SDHAF4: variants seen among roughly 807,000 people sequenced by gnomAD.
SDHAF4 encodes the protein succinate dehydrogenase assembly factor 4, mitochondrial.
SDHAF4 carries 14 observed loss-of-function variants against 14.3 expected under a neutral mutation model. The observed-to-expected ratio is 0.98, with a 90% CI of 0.65 to 1.53. The LOEUF is 1.53. Among genes scored for constraint, SDHAF4 ranks in the 40% most tolerant of loss-of-function variants. The pLI is 0.00. For missense variants in SDHAF4, 141 were observed against 129.3 expected (o/e 1.09, Z -0.44); for synonymous variants, 63 against 47.3 (o/e 1.33, Z -1.36).
chr6:70,584,944 G>T (rs1041387077), intron 2 of SDHAF4, among the ~76,000 whole-genome samples: 3 of 152,186 alleles, frequency 2.0e-5, no homozygotes, highest in African/African-American at 7.2e-5. Context: ...AAGAATCTTG[G>T]AGTTTATTAT....
chr6:70,567,193 G>A (rs1393059825), intron 1 of SDHAF4, among the ~76,000 whole-genome samples, 189 bp downstream of exon 1: 2 of 152,214 alleles, frequency 1.3e-5, no homozygotes, highest in African/African-American at 4.8e-5. Context: ...CCGGGTCTCG[G>A]GTGGGACTAG....
chr6:70,573,389 G>C (rs773049286), intron 1 of SDHAF4, among the ~76,000 whole-genome samples: 22 of 149,380 alleles, frequency 1.5e-4, no homozygotes, highest in Non-Finnish European at 2.8e-4. Flanking sequence ...TCAGCCTCCT[G>C]AGTAGCTGGG....
In SDHAF4 at chr6:70,588,597, A is replaced by G. The variant is rs1765229296; in HGVS notation, c.218-18A>G. 1 of 1,384,892 alleles carries G rather than the reference A, an allele frequency of 7.2e-7. No homozygotes were observed. The highest frequency in any genetic ancestry group is 1.0e-6 in the Non-Finnish European group (1 of 984,522). 85.8% of individuals were successfully genotyped at this position (1,384,892 alleles called of 1,614,324 possible). A position where few individuals can be genotyped will look rare whatever the true frequency, so the allele number is the denominator to read the frequency against. ...CCTGCCTCCATTAACTGCTTTATTT[A>G]TATCTCGTTTTCCTTAGAATTTCCA... On this transcript the variant is annotated intron_variant, in intron 2 of 2. Transcript: ENST00000370474.
At chr6:70,569,060 G>A (rs1278577212) in intron 1 of SDHAF4, among the ~76,000 whole-genome samples, 3 of 143,256 alleles carry the variant, frequency 2.1e-5, no homozygotes, top group Non-Finnish European at 4.5e-5. Flanking sequence ...CCGCCTCCTG[G>A]GTTCACGCCA....
At position 70,573,264 on chromosome 6, in the gene SDHAF4, C is replaced by CTTTTTTTTTTTTTTTTTT. The variant is rs202098262; in HGVS notation, c.65-6133_65-6132insTTTTTTTTTTTTTTTTTT. Among the ~76,000 whole-genome samples the CTTTTTTTTTTTTTTTTTT allele has an allele frequency of 1.6e-4, 18 of 110,454 alleles. 1 individual carries two copies. Among genetic ancestry groups the CTTTTTTTTTTTTTTTTTT allele is most frequent in the Non-Finnish European group, 2.2e-4 (13 of 59,212 alleles). 72.5% of individuals were successfully genotyped at this position (110,454 alleles called of 152,430 possible). A position where few individuals can be genotyped will look rare whatever the true frequency, so the allele number is the denominator to read the frequency against. On this transcript the variant is annotated intron_variant, in intron 1 of 2. Transcript: ENST00000370474. ...AATTGTATTTATTCTGCTATTTGGC[C>CTTTTTTTTTTTTTTTTTT]TTTTTTTTTTTTTTTTTGAGACGGA...
Position 70,568,965 on chromosome 6 carries a change from T to TTC in SDHAF4, c.64+1962_64+1963insCT, listed in dbSNP as rs1554182559. The stretch of plus-strand genomic sequence containing the variant: ...GTGAAATACCTCTTTCTTTTTTCTT[T>TTC]TTTTTTTTTTTTTTTTTTGAGGCGG... On this transcript the variant is annotated intron_variant, in intron 1 of 2. Coordinates refer to ENST00000370474, the MANE Select transcript of SDHAF4 (RefSeq NM_145267.3). 4.7e-4 allele frequency among the ~76,000 whole-genome samples: 41 copies of TTC among 87,296 alleles called. 1 individual carries two copies. Among genetic ancestry groups the TTC allele is most frequent in the African/African-American group, 1.7e-3 (33 of 18,950 alleles). 57.3% of individuals were successfully genotyped at this position (87,296 alleles called of 152,430 possible).
In SDHAF4 at chr6:70,589,007, G is replaced by A. The variant is rs1428723754; in HGVS notation, c.*283G>A. 1 of 161,122 alleles carries A rather than the reference G, an allele frequency of 6.2e-6. No homozygotes were observed. Among genetic ancestry groups the A allele is most frequent in the African/African-American group, 2.4e-5 (1 of 41,496 alleles). The allele number at this position is 161,122 out of a possible 1,614,324, so 10.0% of individuals were successfully genotyped here. The stretch of plus-strand genomic sequence containing the variant: ...CCCAACTACTCTGGAGGCTGAGGCA[G>A]GAGAATGGCTTAAACCCAGGAGGTG... On this transcript the variant is annotated 3_prime_UTR_variant, in exon 3 of 3. Transcript: ENST00000370474.
chr6:70,585,926 A>G (rs1249642944), intron 2 of SDHAF4, among the ~76,000 whole-genome samples: 1 of 152,210 alleles, frequency 6.6e-6, no homozygotes, highest in Non-Finnish European at 1.5e-5. Flanking sequence ...GCTATGCAGG[A>G]TAAAATAAAA....
intron 1 of SDHAF4, among the ~76,000 whole-genome samples, chr6:70,571,967 T>C (rs1021652463): frequency 6.6e-6 from 1 of 151,612 alleles, no homozygotes; most frequent in Non-Finnish European, 1.5e-5. Flanking sequence ...TAATATGTAC[T>C]CTCTTTTTCT....
At chr6:70,579,655 T>A in intron 2 of SDHAF4, 89 bp downstream of exon 2, 1 of 1,138,858 alleles carries the variant, frequency 8.8e-7, no homozygotes, top group Non-Finnish European at 1.2e-6. Context: ...AAGAAATTTG[T>A]TATTGCTTAA....
At chr6:70,579,899 G>T (rs1279084249) in intron 2 of SDHAF4, among the ~76,000 whole-genome samples, 5 of 151,970 alleles carry the variant, frequency 3.3e-5, no homozygotes, top group Non-Finnish European at 7.4e-5. Context: ...TTGTATCAAA[G>T]ATCTTATGTG....
At chr6:70,581,448 A>T (rs572149755) in intron 2 of SDHAF4, among the ~76,000 whole-genome samples, 2 of 152,176 alleles carry the variant, frequency 1.3e-5, no homozygotes, top group Admixed American at 1.3e-4. Flanking sequence ...TCTGACAAAC[A>T]TCACCAAATA....
At chr6:70,595,620 G>T in the SDHAF4 span, among the ~76,000 whole-genome samples, 1 of 152,146 alleles carries the variant, frequency 6.6e-6, no homozygotes, top group African/African-American at 2.4e-5. Flanking sequence ...GGTGGCTCAT[G>T]CCTGTAATCC....
intron 2 of SDHAF4, among the ~76,000 whole-genome samples, chr6:70,583,607 C>T (rs561621732): frequency 2.4e-4 from 37 of 152,148 alleles, no homozygotes; most frequent in African/African-American, 8.7e-4. Flanking sequence ...TCTTGGCTTC[C>T]CTGGGTCACA....
intron 1 of SDHAF4, among the ~76,000 whole-genome samples, 180 bp from the exon 2 acceptor site, chr6:70,579,234 T>C (rs948446083): frequency 6.6e-6 from 1 of 152,244 alleles, no homozygotes; most frequent in Non-Finnish European, 1.5e-5. Flanking sequence ...AAACTGGTGG[T>C]CTTCCAGGAA....
At chr6:70,576,036 G>GT (rs1802251661) in intron 1 of SDHAF4, among the ~76,000 whole-genome samples, 1 of 152,224 alleles carries the variant, frequency 6.6e-6, no homozygotes, top group Non-Finnish European at 1.5e-5. Flanking sequence ...AGAATTAACA[G>GT]GAGTGGTCCT....
At chr6:70,593,626 CT>C (rs368527975), downstream of SDHAF4, among the ~76,000 whole-genome samples, 855 of 152,286 alleles carry the variant, frequency 5.6e-3, 3 homozygotes, top group Non-Finnish European at 8.2e-3. Context: ...CACTCCCTAC[CT>C]CAGTGTTCAC....
chr6:70,592,291 T>C (rs1402027622), downstream of SDHAF4, among the ~76,000 whole-genome samples: 3 of 152,154 alleles, frequency 2.0e-5, no homozygotes, highest in African/African-American at 7.2e-5. Context: ...GGGCAAAGAT[T>C]GGAAGAGTTT....
downstream of SDHAF4, among the ~76,000 whole-genome samples, chr6:70,592,181 ATTTAG>A (rs1374789197): frequency 6.6e-6 from 1 of 152,238 alleles, no homozygotes; most frequent in African/African-American, 2.4e-5. Flanking sequence ...AGTATCAGGT[ATTTAG>A]TTATAGCAAC....
Sources: gnomAD v4.1 joint callset for allele counts (sites outside exome capture counted in the v4.1 genomes callset) on GRCh38, gnomAD v4.1.1 for gene constraint, MANE v1.5 for transcripts, NCBI Gene and HGNC (gene_info 2026-07-23, HGNC 2026-07-21) for gene names.